Variants in SIRPG observed in about 807,000 individuals in gnomAD.
SIRPG encodes signal-regulatory protein gamma.
In SIRPG, 38 loss-of-function variants were observed where a neutral mutation model predicts 35.7. The ratio of observed to expected loss-of-function variants is 1.06; its 90% CI spans 0.82 to 1.40. SIRPG has a LOEUF of 1.40. SIRPG is among the 40% of genes most tolerant of loss of function. The pLI is 0.00. For synonymous variants in SIRPG, 215 were observed against 190.4 expected (o/e 1.13, Z -1.06); for missense variants, 519 against 483.0 (o/e 1.07, Z -0.70).
chr20:1,653,024 C>A (rs1022589950), intron 1 of SIRPG, among the ~76,000 whole-genome samples: 1 of 152,108 alleles, frequency 6.6e-6, no homozygotes, highest in African/African-American at 2.4e-5. Flanking sequence ...AAATGAGTTT[C>A]CCATGTAGAG....
In SIRPG at chr20:1,645,590, C is replaced by T. The variant is rs560423834; in HGVS notation, c.430+3462G>A. On this transcript the variant is annotated intron_variant, in intron 2 of 5. Coordinates refer to ENST00000303415, the MANE Select transcript of SIRPG (RefSeq NM_018556.4). ...AACATTTACTGCATTCCAGGTGCTG[C>T]TCTGAGCATGTTACACGATTTAACT... is the stretch of plus-strand genomic sequence containing the variant. Among the ~76,000 whole-genome samples, 247 of 152,324 alleles carry T rather than the reference C, an allele frequency of 1.6e-3. 2 individuals carry two copies. Among genetic ancestry groups the T allele is most frequent in the African/African-American group, 5.7e-3 (236 of 41,576 alleles).
intron 2 of SIRPG, among the ~76,000 whole-genome samples, chr20:1,641,474 T>A (rs920875452): frequency 4.6e-5 from 7 of 152,136 alleles, no homozygotes; most frequent in East Asian, 1.9e-4. Flanking sequence ...ATCTTTTTTT[T>A]ATTGATTTGA....
rs147998050 is a variant in SIRPG at position 1,642,456 on chromosome 20, G to C, written c.431-5951C>G. ...CTCCATCCGTTTGTTTTGAGCCTAT[G>C]TGTGTCTTTGCATGTGAGATGGGTC... On this transcript the variant is annotated intron_variant, in intron 2 of 5. Transcript: ENST00000303415. Among the ~76,000 whole-genome samples the C allele has an allele frequency of 4.4e-3, 677 of 152,278 alleles. 8 individuals are homozygous for C. Among genetic ancestry groups the C allele is most frequent in the African/African-American group, 0.016 (660 of 41,564 alleles).
At chr20:1,646,493 C>T (rs1568733107) in intron 2 of SIRPG, 1 of 152,288 alleles carries the variant, frequency 6.6e-6, no homozygotes, top group Admixed American at 6.5e-5. Flanking sequence ...GAAGGAGAAA[C>T]AGCACAACAT....
intron 2 of SIRPG, among the ~76,000 whole-genome samples, chr20:1,644,861 G>A (rs1202688267): frequency 6.6e-6 from 1 of 152,180 alleles, no homozygotes; most frequent in Non-Finnish European, 1.5e-5. Context: ...CTCTCCATGG[G>A]TCTCGCCAGC....
At chr20:1,649,458 AT>A in intron 1 of SIRPG, 50 bp from the exon 2 acceptor site, 2 of 1,494,156 alleles carry the variant, frequency 1.3e-6, no homozygotes, top group Non-Finnish European at 1.8e-6. Flanking sequence ...ATAATCCTGT[AT>A]TTCCTCATGT....
At position 1,636,350 on chromosome 20, in the gene SIRPG, C is replaced by T; in HGVS notation, c.586G>A (p.Val196Met). 2 of 1,614,228 alleles carry T rather than the reference C, an allele frequency of 1.2e-6. No individual in the cohort carries two copies. The highest frequency in any genetic ancestry group is 8.5e-7 in the Non-Finnish European group (1 of 1,180,042). Reference sequence around the variant, plus strand: ...GCCACACTCTGTCCTGTGGGGTCCACGTTGGTCTGGAAGTCTGAGAGCTCA... The same window carrying T: ...GCCACACTCTGTCCTGTGGGGTCCATGTTGGTCTGGAAGTCTGAGAGCTCA... ...GNELSDFQTN[V>M]DPTGQSVAYS... The change falls in exon 3 of 6, where the codon GTG becomes ATG. Residue 196 changes from valine (V) to methionine (M), a missense_variant. Val to Met is a conservative substitution (Grantham distance 21). Transcript: ENST00000303415.
chr20:1,663,193 G>GT, the SIRPG span, among the ~76,000 whole-genome samples: 799 of 152,126 alleles, frequency 5.3e-3, 3 homozygotes, highest in African/African-American at 0.018. Context: ...GGCGCCTGTA[G>GT]TCCCAGCTAC....
the SIRPG span, among the ~76,000 whole-genome samples, chr20:1,678,495 A>G: frequency 6.6e-6 from 1 of 152,302 alleles, no homozygotes; most frequent in East Asian, 1.9e-4. Flanking sequence ...AAATCAAGAA[A>G]CTGGAAGATG....
chr20:1,674,114 A>G, the SIRPG span, among the ~76,000 whole-genome samples: 2 of 152,210 alleles, frequency 1.3e-5, no homozygotes, highest in Admixed American at 6.5e-5. Context: ...GGGGCTGTGT[A>G]TTAGAATCTT....
the SIRPG span, among the ~76,000 whole-genome samples, chr20:1,677,083 G>T: frequency 6.9e-6 from 1 of 144,116 alleles, no homozygotes; most frequent in African/African-American, 2.9e-5. Context: ...TTAGAAGTGA[G>T]GACAATGAGG....
intron 2 of SIRPG, chr20:1,638,580 G>A (rs574928066): frequency 6.6e-6 from 1 of 152,200 alleles, no homozygotes; most frequent in East Asian, 1.9e-4. Flanking sequence ...AAGGAGGAGG[G>A]AACAGAGTCC....
At chr20:1,667,092 T>C in the SIRPG span, among the ~76,000 whole-genome samples, 4 of 152,212 alleles carry the variant, frequency 2.6e-5, no homozygotes, top group African/African-American at 4.8e-5. Context: ...AGACAGGGTC[T>C]CACCATGTTG....
At chr20:1,677,169 G>C in the SIRPG span, among the ~76,000 whole-genome samples, 1 of 152,042 alleles carries the variant, frequency 6.6e-6, no homozygotes, top group Non-Finnish European at 1.5e-5. Flanking sequence ...TAGAAGTGAG[G>C]ACAATGAGGC....
chr20:1,634,209 GTTTT>G (rs11284426), intron 4 of SIRPG, among the ~76,000 whole-genome samples: 1 of 128,716 alleles, frequency 7.8e-6, no homozygotes, highest in African/African-American at 3.2e-5. Flanking sequence ...GCCTGGTACA[GTTTT>G]TTTTTTTTTT....
At chr20:1,669,979 C>A in the SIRPG span, 1 of 240,304 alleles carries the variant, frequency 4.2e-6, no homozygotes, top group Non-Finnish European at 9.3e-6. Context: ...TTTTGCTGAC[C>A]ACCAGCTGCC....
At chr20:1,644,201 G>A (rs533578293) in intron 2 of SIRPG, among the ~76,000 whole-genome samples, 2 of 152,334 alleles carry the variant, frequency 1.3e-5, no homozygotes, top group East Asian at 1.9e-4. Flanking sequence ...CTAAGACAGT[G>A]GCCACCCCTC....
At chr20:1,664,446 C>T in the SIRPG span, among the ~76,000 whole-genome samples, 1 of 152,094 alleles carries the variant, frequency 6.6e-6, no homozygotes, top group African/African-American at 2.4e-5. Context: ...TGGAGAGAGT[C>T]TGTGGTTTAT....
intron 1 of SIRPG, among the ~76,000 whole-genome samples, chr20:1,656,909 C>T (rs866039064): frequency 1.3e-5 from 2 of 152,188 alleles, no homozygotes; most frequent in South Asian, 2.1e-4. Context: ...CAGACCTTGG[C>T]GATGCCCTTG....
Sources: gnomAD v4.1 joint callset for allele counts (sites outside exome capture counted in the v4.1 genomes callset) on GRCh38, gnomAD v4.1.1 for gene constraint, MANE v1.5 for transcripts, NCBI Gene and HGNC (gene_info 2026-07-23, HGNC 2026-07-21) for gene names.